Variants in RBMS3 observed in about 807,000 individuals in gnomAD.
RBMS3 encodes RNA-binding motif, single-stranded-interacting protein 3.
RBMS3 carries 27 observed loss-of-function variants against 66.8 expected under a neutral mutation model. The ratio of observed to expected loss-of-function variants is 0.40; its 90% CI spans 0.30 to 0.56. The LOEUF (loss-of-function observed/expected upper bound fraction) is 0.56, where lower values mean the gene tolerates loss of function less well. RBMS3 is among the 20% of genes least tolerant of loss of function. The pLI is 0.40. For missense variants in RBMS3, 513 were observed against 549.5 expected, an observed-to-expected ratio of 0.93 and a Z score of 0.66; for synonymous variants, 188 against 183.0, an observed-to-expected ratio of 1.03 and a Z score of -0.22.
chr3:29,769,177 G>A (rs1486630110), intron 6 of RBMS3, among the ~76,000 whole-genome samples: 2 of 151,666 alleles, frequency 1.3e-5, no homozygotes, highest in East Asian at 1.9e-4. Flanking sequence ...AATTTAGCAA[G>A]AGAGGTATGG....
In RBMS3 at chr3:30,003,858, C is replaced by A; in HGVS notation, c.1310C>A (p.Pro437Gln). ...CTCTTATTCAATTGTTTTCACAGAC[C>A]ATAAACAGGACTGAAGAATGTCTGT... ...APAYSYQQSK[P>Q] Residue 437 changes from proline to glutamine, a missense_variant and splice_region_variant, in exon 15 of 15, where the codon CCA becomes CAA. Physicochemically the swap from Pro to Gln is moderately conservative, Grantham distance 76. Coordinates refer to ENST00000383767, the MANE Select transcript of RBMS3 (RefSeq NM_001003793.3). 6.9e-7 allele frequency: 1 copy of A among 1,448,384 alleles called. No individual in the cohort carries two copies. Among genetic ancestry groups the A allele is most frequent in the South Asian group, 1.7e-5 (1 of 59,982 alleles). 89.7% of individuals were successfully genotyped at this position (1,448,384 alleles called of 1,614,324 possible). A position where few individuals can be genotyped will look rare whatever the true frequency, so the allele number is the denominator to read the frequency against.
chr3:29,619,402 A>G (rs2048788998), intron 4 of RBMS3, among the ~76,000 whole-genome samples: 3 of 152,242 alleles, frequency 2.0e-5, no homozygotes, highest in Admixed American at 2.0e-4. Flanking sequence ...TGCAAAAATC[A>G]CAATGATAGG....
In RBMS3 at chr3:29,976,967, T is replaced by C. The variant is rs139160631; in HGVS notation, c.1099-11176T>C. Among the ~76,000 whole-genome samples the C allele has an allele frequency of 1.3e-3, 200 of 152,280 alleles. 1 individual carries two copies. The highest frequency in any genetic ancestry group is 4.6e-3 in the African/African-American group (190 of 41,570). On this transcript the variant is annotated intron_variant, in intron 12 of 14. Coordinates refer to ENST00000383767, the MANE Select transcript of RBMS3 (RefSeq NM_001003793.3). ...CAAGCTTTCTTTGTTAAAAGAAATT[T>C]TGAACTACTTGCTTTTGAAAGTAAC...
chr3:29,611,751 A>G (rs1427341667), intron 4 of RBMS3, among the ~76,000 whole-genome samples: 1 of 152,066 alleles, frequency 6.6e-6, no homozygotes, highest in South Asian at 2.1e-4. Flanking sequence ...ACATATTTTT[A>G]GGAAATACAT....
intron 3 of RBMS3, among the ~76,000 whole-genome samples, chr3:29,545,266 A>G (rs1470613235): frequency 6.6e-6 from 1 of 152,164 alleles, no homozygotes; most frequent in Non-Finnish European, 1.5e-5. Context: ...GTATAATACT[A>G]TTCTGGATTT....
chr3:29,303,384 G>A (rs1414528025), intron 1 of RBMS3, among the ~76,000 whole-genome samples: 1 of 152,022 alleles, frequency 6.6e-6, no homozygotes, highest in Admixed American at 6.6e-5. Flanking sequence ...AGTCTGAAGT[G>A]TGGTGCTTGG....
intron 3 of RBMS3, among the ~76,000 whole-genome samples, chr3:29,493,478 A>G (rs1331237742): frequency 6.6e-6 from 1 of 152,224 alleles, no homozygotes; most frequent in Non-Finnish European, 1.5e-5. Context: ...AAGTTAATAC[A>G]TGGAAAATGT....
intron 4 of RBMS3, among the ~76,000 whole-genome samples, chr3:29,669,128 G>C (rs1209452501): frequency 1.3e-5 from 2 of 152,192 alleles, no homozygotes; most frequent in Non-Finnish European, 2.9e-5. Context: ...TATTCTCCTT[G>C]TCTCAAGGCA....
rs560602590 is a variant in RBMS3, at chr3:29,727,057, C to G, written c.400-12663C>G. 9.0e-4 allele frequency among the ~76,000 whole-genome samples: 137 copies of G among 152,094 alleles called. 2 individuals are homozygous for G. In the South Asian group the frequency reaches 0.022, roughly 24 times the overall value. On this transcript the variant is annotated intron_variant, in intron 4 of 14. Coordinates refer to ENST00000383767, the MANE Select transcript of RBMS3 (RefSeq NM_001003793.3). ...AACAGAACAGAGGCCTCAGAAATAA[C>G]ACCACACATCTACAACCATCTGATC...
At chr3:29,729,748 G>A in intron 4 of RBMS3, among the ~76,000 whole-genome samples, 1 of 151,708 alleles carries the variant, frequency 6.6e-6, no homozygotes. Flanking sequence ...ATAATGATGA[G>A]AATTTTTTAA....
At chr3:29,847,523 AAAGTG>A (rs1186620305) in intron 6 of RBMS3, among the ~76,000 whole-genome samples, 4 of 152,234 alleles carry the variant, frequency 2.6e-5, no homozygotes, top group Admixed American at 6.5e-5. Context: ...CAATGCAAGT[AAAGTG>A]AAGTATCAAT....
At chr3:29,306,138 C>T (rs563197860) in intron 1 of RBMS3, among the ~76,000 whole-genome samples, 27 of 151,982 alleles carry the variant, frequency 1.8e-4, no homozygotes, top group African/African-American at 2.9e-4. Context: ...TTTGCATGTA[C>T]GGCATCTAGT....
intron 6 of RBMS3, among the ~76,000 whole-genome samples, chr3:29,827,275 G>A (rs10510629): frequency 0.41 from 61,994 of 151,912 alleles, 13,156 homozygotes; most frequent in Non-Finnish European, 0.46. Context: ...CCATCAGTTA[G>A]GTTTAGCAGA....
At position 29,393,786 on chromosome 3, in the gene RBMS3, GC is replaced by G. The variant is rs1339746032; in HGVS notation, c.76-40952del. Reference sequence around the variant, plus strand: ...ATCATGTATTGGCAGGTTCCGTGATGCCCCCTGAGCCACAAAACCAGCAAGT... The same window carrying G: ...ATCATGTATTGGCAGGTTCCGTGATGCCCCTGAGCCACAAAACCAGCAAGT... On this transcript the variant is annotated intron_variant, in intron 1 of 14. Coordinates refer to ENST00000383767, the MANE Select transcript of RBMS3 (RefSeq NM_001003793.3). Among the ~76,000 whole-genome samples the G allele has an allele frequency of 4.1e-5, 6 of 147,512 alleles. No homozygotes were observed. The East Asian group carries it at 6.8e-4, about 17-fold the overall frequency.
At chr3:29,999,678 T>C (rs1699483520) in intron 14 of RBMS3, among the ~76,000 whole-genome samples, 1 of 151,768 alleles carries the variant, frequency 6.6e-6, no homozygotes. Context: ...AAATACTGCA[T>C]GTTCTCACTC....
At chr3:29,655,795 C>T (rs904710369) in intron 4 of RBMS3, among the ~76,000 whole-genome samples, 1 of 152,088 alleles carries the variant, frequency 6.6e-6, no homozygotes, top group Non-Finnish European at 1.5e-5. Context: ...GGCATTATTA[C>T]AGAGATGATA....
At chr3:29,510,609 C>G (rs2044359338) in intron 3 of RBMS3, among the ~76,000 whole-genome samples, 3 of 151,894 alleles carry the variant, frequency 2.0e-5, no homozygotes, top group Admixed American at 1.3e-4. Context: ...TCTAATTGAG[C>G]ATCTCAAATC....
intron 3 of RBMS3, among the ~76,000 whole-genome samples, chr3:29,540,055 G>A (rs1018308943): frequency 6.6e-6 from 1 of 152,062 alleles, no homozygotes; most frequent in Non-Finnish European, 1.5e-5. Context: ...AAAAATGAAA[G>A]ATATTTTAAA....
chr3:29,427,189 A>G (rs1036009876), intron 1 of RBMS3, among the ~76,000 whole-genome samples: 2 of 152,234 alleles, frequency 1.3e-5, no homozygotes, highest in Non-Finnish European at 2.9e-5. Flanking sequence ...ATTTTCACCA[A>G]ACTGTTACAA....
Sources: allele counts gnomAD v4.1 joint callset (sites outside exome capture counted in the v4.1 genomes callset), GRCh38; gene constraint gnomAD v4.1.1; transcripts MANE v1.5; gene names NCBI Gene and HGNC (gene_info 2026-07-23, HGNC 2026-07-21).